ADAMTS5: variants seen among roughly 807,000 people sequenced by gnomAD.
ADAMTS5 encodes the protein A disintegrin and metalloproteinase with thrombospondin motifs 5.
A neutral mutation model predicts 81.4 loss-of-function variants in ADAMTS5; 54 were observed. The ratio of observed to expected loss-of-function variants is 0.66; its 90% CI spans 0.53 to 0.83. The LOEUF (loss-of-function observed/expected upper bound fraction) is 0.83. ADAMTS5 is among the 40% of genes least tolerant of loss of function. The probability of loss-of-function intolerance (pLI) is 0.00; values close to 1 mark genes in which losing one functional copy is unlikely to be tolerated. For synonymous variants in ADAMTS5, 532 were observed against 508.8 expected (o/e 1.05, Z -0.61); for missense variants, 1,194 against 1,229.9 (o/e 0.97, Z 0.44).
intron 2 of ADAMTS5, among the ~76,000 whole-genome samples, chr21:26,950,225 G>A (rs913841049): frequency 6.6e-5 from 10 of 152,314 alleles, no homozygotes; most frequent in Non-Finnish European, 1.2e-4. Flanking sequence ...GATTTCATTT[G>A]TCTAAATAAA....
intron 1 of ADAMTS5, among the ~76,000 whole-genome samples, chr21:26,959,441 G>A (rs1987485948): frequency 6.6e-6 from 1 of 152,150 alleles, no homozygotes; most frequent in Non-Finnish European, 1.5e-5. Flanking sequence ...CCATACTGAA[G>A]CTGAAATTCA....
intron 1 of ADAMTS5, among the ~76,000 whole-genome samples, chr21:26,961,179 A>G (rs767726984): frequency 2.6e-5 from 4 of 152,218 alleles, no homozygotes; most frequent in Non-Finnish European, 4.4e-5. Flanking sequence ...CTGTTAGTCT[A>G]AGAAGTTTAT....
intron 7 of ADAMTS5, among the ~76,000 whole-genome samples, chr21:26,927,952 C>T (rs1047552830): frequency 6.6e-6 from 1 of 151,800 alleles, no homozygotes; most frequent in Non-Finnish European, 1.5e-5. Context: ...ACCATGCCTC[C>T]AAAGTTTTGG....
At position 26,932,857 on chromosome 21, in the gene ADAMTS5, G is replaced by A. The variant is rs191241552; in HGVS notation, c.1873+4C>T. On this transcript the variant is annotated splice_donor_region_variant and intron_variant, in intron 5 of 7. Transcript: ENST00000284987. ...ATGGTTGCTGACACTTGGGAGCAGC[G>A]TACCATTGGGTGGGCAGGGCATGAG... 118 of 1,604,068 alleles carry A rather than the reference G, an allele frequency of 7.4e-5. 2 individuals carry two copies. In the Middle Eastern group the frequency reaches 1.0e-3, roughly 14 times the overall value.
intron 7 of ADAMTS5, among the ~76,000 whole-genome samples, chr21:26,928,565 T>G (rs1986845198): frequency 6.6e-6 from 1 of 152,170 alleles, no homozygotes; most frequent in Admixed American, 6.5e-5. Flanking sequence ...AAAGTAGTTT[T>G]GTTTCTAATT....
rs1986703200 is a variant in ADAMTS5 at position 26,921,787 on chromosome 21, C to T, written c.*2266G>A. ...GCTCTGAGCTCTCTAGGATTGTTTCCATGACAGGTGTAAACCATCACTATT... is the reference window on the plus strand; with the variant it reads ...GCTCTGAGCTCTCTAGGATTGTTTCTATGACAGGTGTAAACCATCACTATT... On this transcript the variant is annotated 3_prime_UTR_variant, in exon 8 of 8. Coordinates refer to ENST00000284987, the MANE Select transcript of ADAMTS5 (RefSeq NM_007038.5). 6.6e-6 allele frequency: 1 copy of T among 152,350 alleles called. No homozygotes were observed. The highest frequency in any genetic ancestry group is 1.5e-5 in the Non-Finnish European group (1 of 67,920). The allele number at this position is 152,350 out of a possible 1,614,324, so 9.4% of individuals were successfully genotyped here. A position where few individuals can be genotyped will look rare whatever the true frequency, so the allele number is the denominator to read the frequency against.
At chr21:26,950,544 T>A (rs1197429884) in intron 2 of ADAMTS5, among the ~76,000 whole-genome samples, 2 of 152,350 alleles carry the variant, frequency 1.3e-5, no homozygotes, top group East Asian at 3.9e-4. Context: ...AACATTTACA[T>A]GCATATAACA....
At chr21:26,946,086 A>T (rs915825361) in intron 2 of ADAMTS5, among the ~76,000 whole-genome samples, 1 of 152,198 alleles carries the variant, frequency 6.6e-6, no homozygotes, top group Admixed American at 6.5e-5. Flanking sequence ...ACCCAAAGTA[A>T]CAGGCAGCCA....
chr21:26,964,333 A>G (rs1156606268), intron 1 of ADAMTS5, among the ~76,000 whole-genome samples: 1 of 152,188 alleles, frequency 6.6e-6, no homozygotes, highest in South Asian at 2.1e-4. Context: ...GTAGTGGTCA[A>G]ATACTGTGTA....
rs1986984495 is a variant in ADAMTS5 at position 26,934,827 on chromosome 21, T to C, written c.1406-78A>G. On this transcript the variant is annotated intron_variant, in intron 3 of 7. Transcript: ENST00000284987. ...TAAAATCATGGATCTAAAAATGAAATGCCCCGGCTGGTGTTGGAGCACGAG... is the reference window on the plus strand; with the variant it reads ...TAAAATCATGGATCTAAAAATGAAACGCCCCGGCTGGTGTTGGAGCACGAG... The C allele has an allele frequency of 1.9e-6, 3 of 1,553,300 alleles. No individual in the cohort carries two copies. The African/African-American group carries it at 4.1e-5, about 21-fold the overall frequency.
chr21:26,923,932 C>G lies in ADAMTS5; in HGVS notation c.*121G>C. ...AGAGCAGATTCTGCCCATAATTGGA[C>G]TCCTGTTGACAATGTCACTGAAGCA... is the stretch of plus-strand genomic sequence containing the variant. On this transcript the variant is annotated 3_prime_UTR_variant, in exon 8 of 8. Coordinates refer to ENST00000284987, the MANE Select transcript of ADAMTS5 (RefSeq NM_007038.5). The G allele has an allele frequency of 1.2e-5, 13 of 1,044,572 alleles. No individual in the cohort carries two copies. The highest frequency in any genetic ancestry group is 1.8e-5 in the Non-Finnish European group (13 of 741,294). The allele number at this position is 1,044,572 out of a possible 1,614,324, so 64.7% of individuals were successfully genotyped here.
In ADAMTS5 at chr21:26,935,723, C is replaced by T. The variant is rs764172882; in HGVS notation, c.1406-974G>A. On this transcript the variant is annotated intron_variant, in intron 3 of 7. Coordinates refer to ENST00000284987, the MANE Select transcript of ADAMTS5 (RefSeq NM_007038.5). Reference sequence around the variant, plus strand: ...CAAAACCTTAAATTTGCTTCCTCTTCCTCTCCTTCCCCTCCCCGCAAAAGC... The same window carrying T: ...CAAAACCTTAAATTTGCTTCCTCTTTCTCTCCTTCCCCTCCCCGCAAAAGC... Among the ~76,000 whole-genome samples the T allele has an allele frequency of 5.0e-4, 76 of 152,248 alleles. No homozygotes were observed. The Middle Eastern group carries it at 0.014, about 27-fold the overall frequency.
chr21:26,947,185 C>T (rs1282447035), intron 2 of ADAMTS5, among the ~76,000 whole-genome samples: 1 of 152,182 alleles, frequency 6.6e-6, no homozygotes, highest in Non-Finnish European at 1.5e-5. Flanking sequence ...TCTCAGCTAT[C>T]TTTAATTCTT....
chr21:26,940,371 CTG>C (rs1390544476), intron 3 of ADAMTS5, among the ~76,000 whole-genome samples: 1 of 151,996 alleles, frequency 6.6e-6, no homozygotes, highest in Non-Finnish European at 1.5e-5. Context: ...TCATTTTTTT[CTG>C]TGTGTCAATT....
At position 26,965,516 on chromosome 21, in the gene ADAMTS5, C is replaced by T. The variant is rs1241890092; in HGVS notation, c.876G>A (p.Leu292=). The T allele has an allele frequency of 6.2e-7, 1 of 1,614,182 alleles. No individual in the cohort carries two copies. Among genetic ancestry groups the T allele is most frequent in the Non-Finnish European group, 8.5e-7 (1 of 1,180,002 alleles). Residue 292 remains leucine, a synonymous_variant, in exon 1 of 8, where the codon CTG becomes CTA. Transcript: ENST00000284987. ...LYGRGLQHYL[L]TLASIANRLY... ...GCCTATTGGCGATGGAGGCCAGGGT[C>T]AGCAGGTAATGCTGCAGGCCCCGGC...
chr21:26,959,033 G>A (rs757737479), intron 1 of ADAMTS5, among the ~76,000 whole-genome samples: 3 of 152,164 alleles, frequency 2.0e-5, no homozygotes, highest in Non-Finnish European at 2.9e-5. Flanking sequence ...GGGCTAGCAG[G>A]GAAGCTGGAA....
At chr21:26,929,418 T>A (rs1986864958) in intron 7 of ADAMTS5, among the ~76,000 whole-genome samples, 1 of 152,232 alleles carries the variant, frequency 6.6e-6, no homozygotes, top group East Asian at 1.9e-4. Context: ...TAAACCAGGA[T>A]ACTTCACTGT....
At chr21:26,956,772 A>C (rs1012194096) in intron 1 of ADAMTS5, among the ~76,000 whole-genome samples, 2 of 152,238 alleles carry the variant, frequency 1.3e-5, no homozygotes, top group African/African-American at 4.8e-5. Flanking sequence ...GCTAAGATGA[A>C]GAGCCACAGC....
chr21:26,947,288 T>C (rs939348069), intron 2 of ADAMTS5, among the ~76,000 whole-genome samples: 4 of 152,194 alleles, frequency 2.6e-5, no homozygotes, highest in Admixed American at 6.6e-5. Context: ...ATGACCTCTG[T>C]ATTTATATGC....
Sources: gnomAD v4.1 joint callset for allele counts (sites outside exome capture counted in the v4.1 genomes callset) on GRCh38, gnomAD v4.1.1 for gene constraint, MANE v1.5 for transcripts, NCBI Gene and HGNC (gene_info 2026-07-23, HGNC 2026-07-21) for gene names.